The following EML4 variants were observed in gnomAD, a reference collection of about 807,000 sequenced individuals.
The protein encoded by EML4 is EMAP like 4.
A neutral mutation model predicts 129.0 loss-of-function variants in EML4; 72 were observed. That is an observed-to-expected ratio of 0.56 (90% confidence interval 0.46 to 0.68). EML4 has a LOEUF of 0.68. Among genes scored for constraint, EML4 ranks in the 30% least tolerant of loss-of-function variants. The pLI is 0.00. For missense variants in EML4, 1,363 were observed against 1,190.6 expected (o/e 1.14, Z -2.13); for synonymous variants, 532 against 405.0 (o/e 1.31, Z -3.77).
rs1673663671 is a variant in EML4 at position 42,222,380 on chromosome 2, T to G, written c.26-23125T>G. Among the ~76,000 whole-genome samples the G allele has an allele frequency of 3.3e-5, 5 of 152,134 alleles. No individual in the cohort carries two copies. In the South Asian group the frequency reaches 1.0e-3, roughly 31 times the overall value. On this transcript the variant is annotated intron_variant, in intron 1 of 22. Transcript: ENST00000318522. ...AATGGTTTTTATATTTTTAAATGGT[T>G]GGAAAAAATCAAAAGAATATTTCAT...
intron 1 of EML4, among the ~76,000 whole-genome samples, chr2:42,206,915 A>T (rs532373346): frequency 6.6e-6 from 1 of 152,148 alleles, no homozygotes; most frequent in Non-Finnish European, 1.5e-5. Context: ...TCTTTAGCTA[A>T]TTTCTACATC....
chr2:42,278,346 C>G (rs536381267), intron 6 of EML4, among the ~76,000 whole-genome samples: 1 of 151,696 alleles, frequency 6.6e-6, no homozygotes. Flanking sequence ...GCTGAGGGGG[C>G]GCGGATCACT....
At chr2:42,175,679 A>T (rs1013862802) in intron 1 of EML4, among the ~76,000 whole-genome samples, 8 of 151,790 alleles carry the variant, frequency 5.3e-5, no homozygotes, top group African/African-American at 1.9e-4. Flanking sequence ...TTGTATTTTT[A>T]ATAGAGAAGA....
intron 22 of EML4, 142 bp from the exon 23 acceptor site, chr2:42,329,592 G>C (rs1669989148): frequency 4.6e-6 from 3 of 650,672 alleles, no homozygotes; most frequent in African/African-American, 3.6e-5. Context: ...CCTTACTCCT[G>C]AGATTTGATG....
At chr2:42,216,644 G>T (rs1033122925) in intron 1 of EML4, among the ~76,000 whole-genome samples, 2 of 152,038 alleles carry the variant, frequency 1.3e-5, no homozygotes, top group Admixed American at 6.5e-5. Flanking sequence ...TATCTCTACA[G>T]TTGTTGCTAG....
chr2:42,329,976 C>G lies in EML4; in HGVS notation c.2715C>G (p.Pro905=). The G allele has an allele frequency of 6.2e-7, 1 of 1,613,944 alleles. No homozygotes were observed. Among genetic ancestry groups the G allele is most frequent in the Non-Finnish European group, 8.5e-7 (1 of 1,180,004 alleles). The part of the protein sequence containing the change: ...SNTPTPPPSQ[P]LNETAEEESR... ...CTCCCACACCGCCTCCTTCTCAGCC[C>G]TTAAATGAGACAGCTGAAGAGGAAA... Residue 905 remains proline, a synonymous_variant, in exon 23 of 23, where the codon CCC becomes CCG. Transcript: ENST00000318522.
intron 6 of EML4, among the ~76,000 whole-genome samples, chr2:42,279,009 C>T (rs546281686): frequency 2.0e-5 from 3 of 152,044 alleles, no homozygotes; most frequent in Non-Finnish European, 4.4e-5. Flanking sequence ...TGTCGCAGAT[C>T]TTATAAACAC....
Position 42,310,027 on chromosome 2 carries a change from G to A in EML4, c.1967+5476G>A, listed in dbSNP as rs140622741. On this transcript the variant is annotated intron_variant, in intron 17 of 22. Coordinates refer to ENST00000318522, the MANE Select transcript of EML4 (RefSeq NM_019063.5). The stretch of plus-strand genomic sequence containing the variant: ...CTTCATATATAGTATGGCCCAGTAG[G>A]TGTCCAACTTCATTCTTTTGTATGT... Among the ~76,000 whole-genome samples the A allele has an allele frequency of 2.8e-3, 423 of 152,238 alleles. 2 individuals carry two copies. The highest frequency in any genetic ancestry group is 9.8e-3 in the African/African-American group (406 of 41,526).
At chr2:42,206,789 A>G (rs1380111920) in intron 1 of EML4, among the ~76,000 whole-genome samples, 2 of 152,238 alleles carry the variant, frequency 1.3e-5, no homozygotes, top group Admixed American at 6.5e-5. Context: ...AATTTAAATC[A>G]TCACAGTGAA....
chr2:42,179,220 C>G (rs930678783), intron 1 of EML4, among the ~76,000 whole-genome samples: 28 of 151,002 alleles, frequency 1.9e-4, no homozygotes, highest in African/African-American at 6.8e-4. Flanking sequence ...ATTTTAAACT[C>G]CAGATGGGGA....
rs1417703125 is a variant in EML4 at position 42,169,374 on chromosome 2, T to A, written c.-238T>A. On this transcript the variant is annotated 5_prime_UTR_variant, in exon 1 of 23. Coordinates refer to ENST00000318522, the MANE Select transcript of EML4 (RefSeq NM_019063.5). ...CGGCGCGGCGCTCGCGGCTGCTGCC[T>A]GGGAGGGAGGCCGGGCAGGCGGCTG... is the stretch of plus-strand genomic sequence containing the variant. 7.6e-6 allele frequency: 2 copies of A among 262,370 alleles called. No homozygotes were observed. The highest frequency in any genetic ancestry group is 1.4e-5 in the Non-Finnish European group (2 of 137,956). 16.3% of individuals were successfully genotyped at this position (262,370 alleles called of 1,614,324 possible). A position where few individuals can be genotyped will look rare whatever the true frequency, so the allele number is the denominator to read the frequency against.
At position 42,288,228 on chromosome 2, in the gene EML4, A is replaced by G. The variant is rs749772068; in HGVS notation, c.1124A>G (p.Asp375Gly). Residue 375 changes from aspartate (D) to glycine (G), a missense_variant and splice_region_variant, in exon 11 of 23, where the codon GAT becomes GGT. Asp to Gly is a moderately conservative substitution (Grantham distance 94). Coordinates refer to ENST00000318522, the MANE Select transcript of EML4 (RefSeq NM_019063.5). ...TGCCTCTGATTGACTTTTCTTTAGG[A>G]TTCAGGTGTTCATTTATGTATTATT... is the stretch of plus-strand genomic sequence containing the variant. ...GVGCLDFSKADSGVHLCIIDD... is the reference protein window; with the variant it reads ...GVGCLDFSKAGSGVHLCIIDD... The G allele has an allele frequency of 2.4e-5, 33 of 1,368,482 alleles. No individual in the cohort carries two copies. The East Asian group carries it at 7.6e-4, about 31-fold the overall frequency. The allele number at this position is 1,368,482 out of a possible 1,614,324, so 84.8% of individuals were successfully genotyped here. A position where few individuals can be genotyped will look rare whatever the true frequency, so the allele number is the denominator to read the frequency against.
intron 6 of EML4, among the ~76,000 whole-genome samples, chr2:42,272,155 T>C (rs975481282): frequency 6.6e-6 from 1 of 152,016 alleles, no homozygotes; most frequent in Non-Finnish European, 1.5e-5. Flanking sequence ...GTAATTGTTA[T>C]TGTTTTCTAG....
chr2:42,183,140 G>T (rs911953480), intron 1 of EML4, among the ~76,000 whole-genome samples: 1 of 152,144 alleles, frequency 6.6e-6, no homozygotes, highest in Non-Finnish European at 1.5e-5. Context: ...GGGTGACGGA[G>T]TGGTGACTGA....
At chr2:42,199,116 A>G (rs920558818) in intron 1 of EML4, among the ~76,000 whole-genome samples, 1 of 152,218 alleles carries the variant, frequency 6.6e-6, no homozygotes, top group African/African-American at 2.4e-5. Context: ...CATGAAGCTA[A>G]AGGGTGAAGT....
At chr2:42,297,134 G>A (rs902335431) in intron 13 of EML4, among the ~76,000 whole-genome samples, 2 of 152,148 alleles carry the variant, frequency 1.3e-5, no homozygotes, top group African/African-American at 4.8e-5. Flanking sequence ...CACACGAGAA[G>A]AATGGCAGTG....
intron 1 of EML4, among the ~76,000 whole-genome samples, chr2:42,238,639 A>G (rs917064107): frequency 6.6e-6 from 1 of 151,890 alleles, no homozygotes; most frequent in African/African-American, 2.4e-5. Flanking sequence ...TTTTTTGGCA[A>G]TAGGGTCTTA....
In EML4 at chr2:42,261,308, C is replaced by G. The variant is rs774422635; in HGVS notation, c.512+14C>G. 1.2e-6 allele frequency: 2 copies of G among 1,605,774 alleles called. No homozygotes were observed. Among genetic ancestry groups the G allele is most frequent in the Non-Finnish European group, 1.7e-6 (2 of 1,175,620 alleles). On this transcript the variant is annotated intron_variant, in intron 4 of 22. Transcript: ENST00000318522. ...TCCCACCAAAAGGTTTTAACTGTCC[C>G]CAAGTACAGAGCTAGGGAATGGTTG...
At chr2:42,211,139 C>A (rs1672862924) in intron 1 of EML4, among the ~76,000 whole-genome samples, 1 of 152,072 alleles carries the variant, frequency 6.6e-6, no homozygotes, top group African/African-American at 2.4e-5. Flanking sequence ...GGTGTACCTA[C>A]CACAGTAGAT....
Sources: gnomAD v4.1 joint callset for allele counts (sites outside exome capture counted in the v4.1 genomes callset) on GRCh38, gnomAD v4.1.1 for gene constraint, MANE v1.5 for transcripts, NCBI Gene and HGNC (gene_info 2026-07-23, HGNC 2026-07-21) for gene names.